Variants in QSOX1 observed in about 807,000 individuals in gnomAD.
QSOX1 encodes the protein sulfhydryl oxidase 1.
QSOX1 carries 40 observed loss-of-function variants against 76.1 expected under a neutral mutation model. That is an observed-to-expected ratio of 0.53 (90% confidence interval 0.41 to 0.68). The LOEUF (loss-of-function observed/expected upper bound fraction) is 0.68. Ranked by LOEUF, QSOX1 falls within the 30% of genes least tolerant of loss-of-function variation. The pLI is 0.00. For missense variants in QSOX1, 931 were observed against 974.3 expected (o/e 0.96, Z 0.59); for synonymous variants, 392 against 413.1 (o/e 0.95, Z 0.62).
chr1:180,181,163 A>C (rs186669692), intron 5 of QSOX1, among the ~76,000 whole-genome samples: 183 of 152,184 alleles, frequency 1.2e-3, no homozygotes, highest in Admixed American at 2.6e-3. Context: ...CTTTCTCTTT[A>C]TTTCTTTCTA....
At position 180,189,605 on chromosome 1, in the gene QSOX1, G is replaced by C. The variant is rs147174133; in HGVS notation, c.1071G>C (p.Trp357Cys). 6.8e-6 allele frequency: 11 copies of C among 1,613,432 alleles called. No individual in the cohort carries two copies. The highest frequency in any genetic ancestry group is 9.3e-6 in the Non-Finnish European group (11 of 1,179,662). Reference sequence around the variant, plus strand: ...ACTTCCTGCACTCCGTGAATGAATGGCTCAAGAGGCAGAAGAGAAATAAAA... The same window carrying C: ...ACTTCCTGCACTCCGTGAATGAATGCCTCAAGAGGCAGAAGAGAAATAAAA... ...VQNFLHSVNE[W>C]LKRQKRNKIP... is the part of the protein sequence containing the mutation. Residue 357 changes from tryptophan to cysteine, a missense_variant, in exon 9 of 12, where the codon TGG becomes TGC. By Grantham distance (215) the Trp-to-Cys change is radical. Coordinates refer to ENST00000367602, the MANE Select transcript of QSOX1 (RefSeq NM_002826.5).
intron 2 of QSOX1, among the ~76,000 whole-genome samples, chr1:180,174,689 A>C (rs1012394757): frequency 4.6e-5 from 7 of 152,192 alleles, no homozygotes; most frequent in Non-Finnish European, 1.0e-4. Context: ...TTGGTTAGTA[A>C]TTACATGCTA....
At position 180,184,982 on chromosome 1, in the gene QSOX1, T is replaced by C. The variant is rs1457685386; in HGVS notation, c.887+932T>C. On this transcript the variant is annotated intron_variant, in intron 7 of 11. Transcript: ENST00000367602. ...CAGTTATGCAAACCATTGACGTTCT[T>C]GTAATAGCTTGGGCTGGTGTATGTG... is the stretch of plus-strand genomic sequence containing the variant. Among the ~76,000 whole-genome samples, 6 of 152,190 alleles carry C rather than the reference T, an allele frequency of 3.9e-5. No homozygotes were observed. The South Asian group carries it at 6.2e-4, about 16-fold the overall frequency.
At chr1:180,182,520 G>T (rs879509225) in intron 6 of QSOX1, among the ~76,000 whole-genome samples, 2 of 152,100 alleles carry the variant, frequency 1.3e-5, no homozygotes, top group East Asian at 1.9e-4. Context: ...ACCCTGTTCC[G>T]CAGCTCAGAG....
chr1:180,185,356 G>A (rs1045505682), intron 7 of QSOX1, among the ~76,000 whole-genome samples: 1 of 152,214 alleles, frequency 6.6e-6, no homozygotes, highest in Non-Finnish European at 1.5e-5. Flanking sequence ...AGAGACAGGG[G>A]AAGAGGCACC....
intron 1 of QSOX1, among the ~76,000 whole-genome samples, chr1:180,156,709 T>G (rs917915707): frequency 6.6e-6 from 1 of 152,218 alleles, no homozygotes; most frequent in African/African-American, 2.4e-5. Context: ...TTCTGAGCAG[T>G]GCTTCACACC....
chr1:180,165,716 C>T (rs887015697), intron 1 of QSOX1, among the ~76,000 whole-genome samples: 8 of 152,368 alleles, frequency 5.3e-5, no homozygotes, highest in African/African-American at 1.9e-4. Flanking sequence ...GTGGGTGGAA[C>T]TTTGGTGGAT....
chr1:180,156,336 A>G (rs183463908), intron 1 of QSOX1, among the ~76,000 whole-genome samples: 3 of 152,316 alleles, frequency 2.0e-5, no homozygotes, highest in Admixed American at 1.3e-4. Flanking sequence ...CTCTGGTGCT[A>G]GGTCGCTAGC....
chr1:180,182,870 C>T (rs1225340428), intron 6 of QSOX1, among the ~76,000 whole-genome samples: 1 of 152,168 alleles, frequency 6.6e-6, no homozygotes, highest in African/African-American at 2.4e-5. Context: ...TGATGTCAGC[C>T]AGGCCCCGCA....
intron 11 of QSOX1, among the ~76,000 whole-genome samples, chr1:180,195,759 T>G (rs1663462910): frequency 2.0e-5 from 3 of 152,252 alleles, no homozygotes; most frequent in African/African-American, 7.2e-5. Flanking sequence ...TGCCTCTTGC[T>G]TGAAAACGCA....
In QSOX1 at chr1:180,198,216, A is replaced by G. The variant is rs926894373; in HGVS notation, c.*1179A>G. 1 of 456,654 alleles carries G rather than the reference A, an allele frequency of 2.2e-6. No homozygotes were observed. Among genetic ancestry groups the G allele is most frequent in the Non-Finnish European group, 4.4e-6 (1 of 226,948 alleles). 28.3% of individuals were successfully genotyped at this position (456,654 alleles called of 1,614,324 possible). ...AACCCCATGGCCTTTTCATGCACGG[A>G]GACAGGCCTCTGGATGTGCAGCCTT... On this transcript the variant is annotated 3_prime_UTR_variant, in exon 12 of 12. Coordinates refer to ENST00000367602, the MANE Select transcript of QSOX1 (RefSeq NM_002826.5).
intron 9 of QSOX1, among the ~76,000 whole-genome samples, chr1:180,190,086 G>A (rs149843815): frequency 6.6e-6 from 1 of 152,224 alleles, no homozygotes; most frequent in African/African-American, 2.4e-5. Context: ...CACCTTCTGG[G>A]CTCCTGCTCA....
At chr1:180,194,670 C>G (rs1257083310) in intron 11 of QSOX1, among the ~76,000 whole-genome samples, 3 of 152,246 alleles carry the variant, frequency 2.0e-5, no homozygotes, top group Admixed American at 2.0e-4. Flanking sequence ...CCCGCCTCCC[C>G]TGCTCCGTCT....
intron 1 of QSOX1, among the ~76,000 whole-genome samples, chr1:180,163,287 ACT>A (rs1237374914): frequency 1.3e-5 from 2 of 152,144 alleles, no homozygotes; most frequent in Non-Finnish European, 2.9e-5. Context: ...GAACAAAATG[ACT>A]CTCTTTTTCC....
Position 180,189,661 on chromosome 1 carries a change from A to C in QSOX1, c.1127A>C (p.Asp376Ala). ...IPYSFFKTALDDRKEGAVLAK... is the reference protein window; with the variant it reads ...IPYSFFKTALADRKEGAVLAK... ...TACAGTTTCTTTAAAACTGCCCTGG[A>C]CGACAGGAAAGAGGTGAGTCTGGGA... Residue 376 changes from aspartate to alanine, a missense_variant, in exon 9 of 12, where the codon GAC becomes GCC. Asp to Ala is a moderately radical substitution (Grantham distance 126, BLOSUM62 -2). Coordinates refer to ENST00000367602, the MANE Select transcript of QSOX1 (RefSeq NM_002826.5). The C allele has an allele frequency of 6.2e-7, 1 of 1,612,818 alleles. No homozygotes were observed. The highest frequency in any genetic ancestry group is 8.5e-7 in the Non-Finnish European group (1 of 1,179,136).
In QSOX1 at chr1:180,182,180, C is replaced by G. The variant is rs1351883097; in HGVS notation, c.613C>G (p.Leu205Val). ...GGSYLGREVALDLSQHKGVAV... is the reference protein window; with the variant it reads ...GGSYLGREVAVDLSQHKGVAV... Reference sequence around the variant, plus strand: ...TGTTCTGCTGTCCCTGCAGGTGGCTCTGGACCTGTCCCAGCACAAAGGCGT... The same window carrying G: ...TGTTCTGCTGTCCCTGCAGGTGGCTGTGGACCTGTCCCAGCACAAAGGCGT... Residue 205 changes from leucine (L) to valine (V), a missense_variant, in exon 6 of 12, where the codon CTG (leucine) becomes GTG (valine). By Grantham distance (32) the Leu-to-Val change is conservative. Transcript: ENST00000367602. 3.8e-5 allele frequency: 62 copies of G among 1,614,040 alleles called. No homozygotes were observed. The highest frequency in any genetic ancestry group is 4.9e-5 in the Non-Finnish European group (58 of 1,180,022).
At chr1:180,158,469 A>G (rs893665805) in intron 1 of QSOX1, among the ~76,000 whole-genome samples, 2 of 152,178 alleles carry the variant, frequency 1.3e-5, no homozygotes, top group Admixed American at 1.3e-4. Flanking sequence ...GTGAGTGTAG[A>G]ACCTTCTGCT....
rs1663490366 is a variant in QSOX1 at position 180,196,445 on chromosome 1, C to G, written c.1652C>G (p.Ala551Gly). Reference sequence around the variant, plus strand: ...GACTTCCCTGCAGCTGGGTCAGCTGCCCGGAGGGATGTGCAGAATGTGGCA... The same window carrying G: ...GACTTCCCTGCAGCTGGGTCAGCTGGCCGGAGGGATGTGCAGAATGTGGCA... ...ILDFPAAGSA[A>G]RRDVQNVAAA... The change falls in exon 12 of 12, where the codon GCC (alanine) becomes GGC (glycine). Residue 551 changes from alanine (A) to glycine (G), a missense_variant. By Grantham distance (60) the Ala-to-Gly change is moderately conservative. Coordinates refer to ENST00000367602, the MANE Select transcript of QSOX1 (RefSeq NM_002826.5). The surrounding 1 kb of genome is among the most constrained non-coding windows in gnomAD (Gnocchi z 4.1). 1 of 1,614,010 alleles carries G rather than the reference C, an allele frequency of 6.2e-7. No individual in the cohort carries two copies. Among genetic ancestry groups the G allele is most frequent in the Non-Finnish European group, 8.5e-7 (1 of 1,179,990 alleles).
At chr1:180,186,930 C>T (rs1314215980) in intron 8 of QSOX1, among the ~76,000 whole-genome samples, 1 of 152,224 alleles carries the variant, frequency 6.6e-6, no homozygotes, top group East Asian at 1.9e-4. Flanking sequence ...GTTCCAGATC[C>T]TGGCCATTGC....
Sources: allele counts gnomAD v4.1 joint callset (sites outside exome capture counted in the v4.1 genomes callset), GRCh38; gene constraint gnomAD v4.1.1; non-coding constraint Gnocchi (gnomAD v3.1); transcripts MANE v1.5; gene names NCBI Gene and HGNC (gene_info 2026-07-23, HGNC 2026-07-21).